Variants in MAPK8IP1 observed in about 807,000 individuals in gnomAD.
MAPK8IP1 encodes the protein mitogen-activated protein kinase 8 interacting protein 1.
MAPK8IP1 carries 17 observed loss-of-function variants against 72.6 expected under a neutral mutation model. The observed-to-expected ratio is 0.23, with a 90% CI of 0.16 to 0.35. The LOEUF (loss-of-function observed/expected upper bound fraction) is 0.35. MAPK8IP1 is among the 10% of genes least tolerant of loss of function. MAPK8IP1 has a pLI of 1.00. For missense variants in MAPK8IP1, 789 were observed against 1,009.7 expected, an observed-to-expected ratio of 0.78 and a Z score of 2.96; for synonymous variants, 401 against 443.4, an observed-to-expected ratio of 0.90 and a Z score of 1.20.
intron 1 of MAPK8IP1, 28 bp downstream of exon 1, chr11:45,885,949 C>T: frequency 5.6e-6 from 8 of 1,416,332 alleles, no homozygotes; most frequent in South Asian, 1.4e-5. Context: ...CCGCGCGCCT[C>T]GCCCTTCAGC....
intron 3 of MAPK8IP1, among the ~76,000 whole-genome samples, chr11:45,901,185 G>A (rs575245544): frequency 9.2e-5 from 14 of 152,266 alleles, no homozygotes; most frequent in African/African-American, 3.4e-4. Context: ...AGGATCCTGT[G>A]AATGGCTTTT....
intron 1 of MAPK8IP1, chr11:45,896,628 G>C: frequency 7.3e-7 from 1 of 1,361,540 alleles, no homozygotes. Context: ...GGAGGAAGGT[G>C]CCTGCAGCTG....
chr11:45,897,400 C>T lies in MAPK8IP1; in HGVS notation c.102-685C>T, dbSNP rs77026518. 4.8e-3 allele frequency among the ~76,000 whole-genome samples: 730 copies of T among 152,300 alleles called. 9 individuals are homozygous for T. The highest frequency in any genetic ancestry group is 0.017 in the African/African-American group (697 of 41,562). ...GCTGTCTCCCAAGGTTGTAACACCT[C>T]TGGTCCCACCTGGGGCTTCTCCTGA... On this transcript the variant is annotated intron_variant, in intron 1 of 11. Transcript: ENST00000241014.
intron 1 of MAPK8IP1, among the ~76,000 whole-genome samples, chr11:45,894,408 C>T (rs2086588332): frequency 6.7e-6 from 1 of 148,344 alleles, no homozygotes; most frequent in Non-Finnish European, 1.5e-5. Flanking sequence ...CCAGTAGAGC[C>T]AGGGATCAGG....
At chr11:45,888,164 G>GCA (rs990347346) in intron 1 of MAPK8IP1, among the ~76,000 whole-genome samples, 5 of 152,064 alleles carry the variant, frequency 3.3e-5, no homozygotes, top group African/African-American at 7.2e-5. Context: ...CTGTGTGTGT[G>GCA]CACACACACA....
intron 1 of MAPK8IP1, among the ~76,000 whole-genome samples, chr11:45,889,538 G>A (rs547621470): frequency 1.3e-5 from 2 of 152,264 alleles, no homozygotes; most frequent in South Asian, 2.1e-4. Flanking sequence ...AAGAGGAGGG[G>A]CAGAAGGACA....
Position 45,901,812 on chromosome 11 carries a change from C to T in MAPK8IP1, c.523-168C>T, listed in dbSNP as rs950615538. ...GGCAAGCCTGGCTGTGACTTGCCAC[C>T]CTTCCTGCCTGCTCCAGAGGAGAGT... On this transcript the variant is annotated intron_variant, in intron 3 of 11. Transcript: ENST00000241014. 12 of 745,750 alleles carry T rather than the reference C, an allele frequency of 1.6e-5. No individual in the cohort carries two copies. The African/African-American group carries it at 1.9e-4, about 12-fold the overall frequency. 46.2% of individuals were successfully genotyped at this position (745,750 alleles called of 1,614,324 possible).
rs757258579 is a variant in MAPK8IP1, at chr11:45,904,949, GCTT to G, written c.1894-18_1894-16del. 2 of 1,612,982 alleles carry G rather than the reference GCTT, an allele frequency of 1.2e-6. No homozygotes were observed. Among genetic ancestry groups the G allele is most frequent in the Non-Finnish European group, 1.7e-6 (2 of 1,179,126 alleles). On this transcript the variant is annotated intron_variant, in intron 9 of 11. Transcript: ENST00000241014. The surrounding 1 kb of genome is among the most constrained non-coding windows in gnomAD (Gnocchi z 6.4). ...CTGCAGGCCAGGTGACCGCCCTCTTGCTTCTTTTCTCCCTCCTGTAGGGGAATA... is the reference window on the plus strand; with the variant it reads ...CTGCAGGCCAGGTGACCGCCCTCTTGCTTTTCTCCCTCCTGTAGGGGAATA...
In MAPK8IP1 at chr11:45,902,429, G is replaced by C; in HGVS notation, c.662G>C (p.Ser221Thr). The change falls in exon 5 of 12, where the codon AGC (serine) becomes ACC (threonine). Residue 221 changes from serine to threonine, a missense_variant. This residue lies in a region of MAPK8IP1 where 377 missense variants were observed against 411.7 expected (regional missense o/e 0.92). Coordinates refer to ENST00000241014, the MANE Select transcript of MAPK8IP1 (RefSeq NM_005456.4). This position sits in a 1 kb window ranked among gnomAD's most constrained non-coding sequence, Gnocchi z 9.3. Reference protein sequence around the residue: ...ICLSDELPPQSGPAPTTDRGT... With the variant: ...ICLSDELPPQTGPAPTTDRGT... ...CTGAGCGATGAGCTGCCCCCCCAGAGCGGCCCCGCCCCCACCACAGATCGA... is the reference window on the plus strand; with the variant it reads ...CTGAGCGATGAGCTGCCCCCCCAGACCGGCCCCGCCCCCACCACAGATCGA... 1 of 1,585,896 alleles carries C rather than the reference G, an allele frequency of 6.3e-7. No individual in the cohort carries two copies. The highest frequency in any genetic ancestry group is 8.6e-7 in the Non-Finnish European group (1 of 1,167,384).
Position 45,902,814 on chromosome 11 carries a change from C to A in MAPK8IP1, c.1047C>A (p.Gly349=). 1.9e-6 allele frequency: 3 copies of A among 1,581,294 alleles called. No homozygotes were observed. Among genetic ancestry groups the A allele is most frequent in the Non-Finnish European group, 2.6e-6 (3 of 1,166,118 alleles). Residue 349 remains glycine (G), a synonymous_variant, in exon 5 of 12, where the codon GGC becomes GGA. Transcript: ENST00000241014. The surrounding 1 kb of genome is among the most constrained non-coding windows in gnomAD (Gnocchi z 9.3). ...LSSPERAEPP[G]GGWRGSLGEP... is the part of the protein sequence containing the mutation. ...CCCCAGAGCGGGCTGAGCCCCCAGG[C>A]GGAGGGTGGCGGGGGAGCCTGGGGG...
intron 1 of MAPK8IP1, among the ~76,000 whole-genome samples, chr11:45,889,852 T>A (rs2086553270): frequency 2.0e-5 from 3 of 152,090 alleles, no homozygotes; most frequent in Admixed American, 6.5e-5. Flanking sequence ...TCTTCCTTCA[T>A]TCACTCAACA....
At chr11:45,897,199 C>G (rs1052096546) in intron 1 of MAPK8IP1, among the ~76,000 whole-genome samples, 1 of 151,830 alleles carries the variant, frequency 6.6e-6, no homozygotes, top group East Asian at 1.9e-4. Context: ...GTTCTACCCC[C>G]CCACCACCCC....
Position 45,900,569 on chromosome 11 carries a change from G to A in MAPK8IP1, c.522+117G>A. On this transcript the variant is annotated intron_variant, in intron 3 of 11. Coordinates refer to ENST00000241014, the MANE Select transcript of MAPK8IP1 (RefSeq NM_005456.4). The surrounding 1 kb of genome is among the most constrained non-coding windows in gnomAD (Gnocchi z 6.5). ...GGTCCAGTGCCTGGGGACAGCGCCT[G>A]CATAGGGGCCGCGGTGGCTCGCTCC... The A allele has an allele frequency of 8.3e-7, 1 of 1,209,922 alleles. No homozygotes were observed. Among genetic ancestry groups the A allele is most frequent in the Non-Finnish European group, 1.1e-6 (1 of 885,896 alleles). The allele number at this position is 1,209,922 out of a possible 1,614,324, so 74.9% of individuals were successfully genotyped here.
rs2086613688 is a variant in MAPK8IP1, at chr11:45,897,050, G to C, written c.102-1035G>C. 2.3e-6 allele frequency: 3 copies of C among 1,283,800 alleles called. No individual in the cohort carries two copies. The Admixed American group carries it at 6.0e-5, about 26-fold the overall frequency. The allele number at this position is 1,283,800 out of a possible 1,614,324, so 79.5% of individuals were successfully genotyped here. ...GAATGAGGCGAGTGGCAGGGAGTCTGGGCCTCCTAGGTTCCCCTGGGGGCT... is the reference window on the plus strand; with the variant it reads ...GAATGAGGCGAGTGGCAGGGAGTCTCGGCCTCCTAGGTTCCCCTGGGGGCT... On this transcript the variant is annotated intron_variant, in intron 1 of 11. Transcript: ENST00000241014.
intron 2 of MAPK8IP1, among the ~76,000 whole-genome samples, chr11:45,899,112 G>T (rs994255638): frequency 2.6e-5 from 4 of 152,184 alleles, no homozygotes; most frequent in Non-Finnish European, 4.4e-5. Flanking sequence ...AAACCAAGGG[G>T]TGAGGATAAT....
chr11:45,891,508 G>C (rs1335495200), intron 1 of MAPK8IP1, among the ~76,000 whole-genome samples: 1 of 152,170 alleles, frequency 6.6e-6, no homozygotes, highest in Non-Finnish European at 1.5e-5. Context: ...TGAGTATGAT[G>C]ACCCTGCCCT....
chr11:45,886,355 G>A (rs2086527461), intron 1 of MAPK8IP1, among the ~76,000 whole-genome samples: 1 of 152,210 alleles, frequency 6.6e-6, no homozygotes, highest in Non-Finnish European at 1.5e-5. Flanking sequence ...GTTGGTGCTG[G>A]GAGGAGGATG....
Position 45,889,922 on chromosome 11 carries a change from G to A in MAPK8IP1, c.101+4001G>A, listed in dbSNP as rs76788966. On this transcript the variant is annotated intron_variant, in intron 1 of 11. Transcript: ENST00000241014. ...ACTGCAAAGGCCCAGACGTGGGCCT[G>A]GCCATCATGCTATTGGTGTTGTAGA... is the stretch of plus-strand genomic sequence containing the variant. Among the ~76,000 whole-genome samples, 1,042 of 152,302 alleles carry A rather than the reference G, an allele frequency of 6.8e-3. 14 individuals are homozygous for A. Among genetic ancestry groups the A allele is most frequent in the African/African-American group, 0.023 (952 of 41,552 alleles).
At chr11:45,895,074 G>A (rs1165537850) in intron 1 of MAPK8IP1, among the ~76,000 whole-genome samples, 3 of 152,234 alleles carry the variant, frequency 2.0e-5, no homozygotes, top group African/African-American at 7.2e-5. Context: ...CGCAGACTAC[G>A]CATGGAGCTG....
Sources: gnomAD v4.1 joint callset for allele counts (sites outside exome capture counted in the v4.1 genomes callset) on GRCh38, gnomAD v4.1.1 for gene constraint, gnomAD v4.1.1 regional missense constraint, Gnocchi (gnomAD v3.1) non-coding constraint, MANE v1.5 for transcripts, NCBI Gene and HGNC (gene_info 2026-07-23, HGNC 2026-07-21) for gene names.